PLXND1: variants seen among roughly 807,000 people sequenced by gnomAD.
PLXND1 encodes the protein plexin-D1.
A neutral mutation model predicts 197.7 loss-of-function variants in PLXND1; 54 were observed. The ratio of observed to expected loss-of-function variants is 0.27; its 90% CI spans 0.22 to 0.34. The LOEUF is 0.34. PLXND1 is among the 10% of genes least tolerant of loss of function. The pLI is 1.00. For synonymous variants in PLXND1, 1,180 were observed against 1,161.2 expected (o/e 1.02, Z -0.33); for missense variants, 2,127 against 2,699.2 (o/e 0.79, Z 4.70).
chr3:129,589,310 T>TGCCCCCCCCCCCCCCCCCCCCCCCCC, intron 2 of PLXND1, 41 bp downstream of exon 2: 26 of 501,272 alleles, frequency 5.2e-5, no homozygotes, highest in East Asian at 1.5e-4. Flanking sequence ...CAGGGGAGCC[T>TGCCCCCCCCCCCCCCCCCCCCCCCCC]CCCACCCCCA....
At chr3:129,583,701 T>TCC (rs1289997321) in intron 7 of PLXND1, 32 bp from the exon 8 acceptor site, 1 of 1,435,414 alleles carries the variant, frequency 7.0e-7, no homozygotes, top group Non-Finnish European at 9.7e-7. Flanking sequence ...CAACTCCTGG[T>TCC]TCCCCACCCC....
intron 23 of PLXND1, 117 bp downstream of exon 23, chr3:129,566,410 A>G: frequency 1.4e-6 from 1 of 712,952 alleles, no homozygotes. Context: ...ACAATGGCAG[A>G]TGCCTCCCAA....
rs143299189 is a variant in PLXND1, at chr3:129,571,941, C to T, written c.3078-97G>A. 4.5e-4 allele frequency: 559 copies of T among 1,243,488 alleles called. 3 individuals are homozygous for T. The East Asian group carries it at 0.014, about 30-fold the overall frequency. 77.0% of individuals were successfully genotyped at this position (1,243,488 alleles called of 1,614,324 possible). A position where few individuals can be genotyped will look rare whatever the true frequency, so the allele number is the denominator to read the frequency against. ...TGGGGCACAAGTCCACGCACTTGGC[C>T]TGGGGTTCAAGGCCTCCTTGACTGG... On this transcript the variant is annotated intron_variant, in intron 15 of 35. Transcript: ENST00000324093.
intron 1 of PLXND1, among the ~76,000 whole-genome samples, chr3:129,596,062 T>A (rs917438122): frequency 6.6e-6 from 1 of 152,052 alleles, no homozygotes; most frequent in African/African-American, 2.4e-5. Context: ...GGACTCCACA[T>A]CTGTAAAATA....
At chr3:129,598,424 T>C (rs966937923) in intron 1 of PLXND1, among the ~76,000 whole-genome samples, 2 of 152,058 alleles carry the variant, frequency 1.3e-5, no homozygotes, top group Non-Finnish European at 2.9e-5. Context: ...CCTCCTCCCA[T>C]ACTCACATAC....
In PLXND1 at chr3:129,589,545, C is replaced by T. The variant is rs375968253; in HGVS notation, c.1312-18G>A. 161 of 1,544,802 alleles carry T rather than the reference C, an allele frequency of 1.0e-4. No homozygotes were observed. In the African/African-American group the frequency reaches 1.5e-3, roughly 14 times the overall value. On this transcript the variant is annotated intron_variant, in intron 1 of 35. Coordinates refer to ENST00000324093, the MANE Select transcript of PLXND1 (RefSeq NM_015103.3). Reference sequence around the variant, plus strand: ...GGCTGGAGCTGGAAGAGGAACGGCACGTCAGATCCCAGCTCCAGAACCTTC... The same window carrying T: ...GGCTGGAGCTGGAAGAGGAACGGCATGTCAGATCCCAGCTCCAGAACCTTC...
chr3:129,558,762 C>T lies in PLXND1; in HGVS notation c.5298-187G>A. 1.7e-6 allele frequency: 1 copy of T among 590,042 alleles called. No individual in the cohort carries two copies. The highest frequency in any genetic ancestry group is 3.0e-6 in the Non-Finnish European group (1 of 334,620). 36.6% of individuals were successfully genotyped at this position (590,042 alleles called of 1,614,324 possible). A position where few individuals can be genotyped will look rare whatever the true frequency, so the allele number is the denominator to read the frequency against. Reference sequence around the variant, plus strand: ...AGCTGGGGTGCAGTGGGGCTGAGAGCCCGGTTTCCTGCTGGAGCAAGGCAG... The same window carrying T: ...AGCTGGGGTGCAGTGGGGCTGAGAGTCCGGTTTCCTGCTGGAGCAAGGCAG... On this transcript the variant is annotated intron_variant, in intron 32 of 35. Transcript: ENST00000324093. This position sits in a 1 kb window ranked among gnomAD's most constrained non-coding sequence, Gnocchi z 4.1.
In PLXND1 at chr3:129,561,809, G is replaced by C; in HGVS notation, c.4920C>G (p.Ala1640=). The C allele has an allele frequency of 1.9e-6, 3 of 1,612,144 alleles. No individual in the cohort carries two copies. Among genetic ancestry groups the C allele is most frequent in the Non-Finnish European group, 2.5e-6 (3 of 1,178,442 alleles). ...GGGGGCAGGGCTGCACCTTGTAATG[G>C]GCCAGCGTGTTAAGCTTCTTGCGGC... ...EDGRKKLNTL[A]HYKIPEGASL... is the part of the protein sequence containing the mutation. The change falls in exon 28 of 36, where the codon GCC becomes GCG. Residue 1640 remains alanine, a synonymous_variant. Coordinates refer to ENST00000324093, the MANE Select transcript of PLXND1 (RefSeq NM_015103.3).
intron 25 of PLXND1, among the ~76,000 whole-genome samples, chr3:129,564,769 A>T (rs574163944): frequency 3.6e-4 from 55 of 152,252 alleles, no homozygotes; most frequent in African/African-American, 1.3e-3. Context: ...CCTTCCACGA[A>T]CATCCCCTCC....
At position 129,558,514 on chromosome 3, in the gene PLXND1, T is replaced by G. The variant is rs1373817428; in HGVS notation, c.5359A>C (p.Lys1787Gln). The G allele has an allele frequency of 6.2e-7, 1 of 1,614,034 alleles. No individual in the cohort carries two copies. The highest frequency in any genetic ancestry group is 1.1e-5 in the South Asian group (1 of 91,088). The stretch of plus-strand genomic sequence containing the variant: ...AGGCAGGCGTCGATGTGGTCTGTCT[T>G]GTCGATGTCAAAGACAAACTGGGGG... ...KNPQFVFDID[K>Q]TDHIDACLSV... The change falls in exon 33 of 36, where the codon AAG (lysine) becomes CAG (glutamine). Residue 1787 changes from lysine (K) to glutamine (Q), a missense_variant. Physicochemically the swap from Lys to Gln is moderately conservative, Grantham distance 53 (BLOSUM62 1). Coordinates refer to ENST00000324093, the MANE Select transcript of PLXND1 (RefSeq NM_015103.3). This position sits in a 1 kb window ranked among gnomAD's most constrained non-coding sequence, Gnocchi z 4.1.
chr3:129,597,258 G>A (rs1010088807), intron 1 of PLXND1, among the ~76,000 whole-genome samples: 4 of 151,982 alleles, frequency 2.6e-5, no homozygotes, highest in Admixed American at 6.6e-5. Flanking sequence ...CCCACCCGCC[G>A]CTCTGCTGGG....
chr3:129,561,421 G>A (rs1420793044), intron 29 of PLXND1, among the ~76,000 whole-genome samples: 1 of 152,202 alleles, frequency 6.6e-6, no homozygotes, highest in Non-Finnish European at 1.5e-5. Context: ...GCCCTCCCGG[G>A]GCCTCTCTCC....
intron 8 of PLXND1, 68 bp downstream of exon 8, chr3:129,583,499 C>A: frequency 2.0e-6 from 2 of 1,009,338 alleles, no homozygotes; most frequent in South Asian, 1.4e-5. Flanking sequence ...GAAACATTCT[C>A]AACATGTGAA....
At chr3:129,602,162 T>A (rs2085717831) in intron 1 of PLXND1, among the ~76,000 whole-genome samples, 1 of 152,148 alleles carries the variant, frequency 6.6e-6, no homozygotes, top group African/African-American at 2.4e-5. Context: ...TCACGAGCAT[T>A]CCCCTTCTGC....
chr3:129,571,139 C>A lies in PLXND1; in HGVS notation c.3501G>T (p.Arg1167Ser). The A allele has an allele frequency of 6.2e-7, 1 of 1,614,254 alleles. No individual in the cohort carries two copies. Among genetic ancestry groups the A allele is most frequent in the Non-Finnish European group, 8.5e-7 (1 of 1,180,048 alleles). Residue 1167 changes from arginine (R) to serine (S), a missense_variant, in exon 18 of 36, where the codon AGG becomes AGT. Coordinates refer to ENST00000324093, the MANE Select transcript of PLXND1 (RefSeq NM_015103.3). ...GGTTGGGGAGGTAGTCCAGGCGGAACCTGCTGCCCCGCTGTGCCTCCTCGG... is the reference window on the plus strand; with the variant it reads ...GGTTGGGGAGGTAGTCCAGGCGGAAACTGCTGCCCCGCTGTGCCTCCTCGG... ...LDPEEAQRGS[R>S]FRLDYLPNPQ...
chr3:129,605,609 T>G lies in PLXND1; in HGVS notation c.1031A>C (p.Gln344Pro). ...LTESYIQLGL[Q>P]CAGGAGRGDL... ...GCCGCGGCCCGCGCCGCCCGCGCAC[T>G]GCAAGCCCAACTGGATGTAGGACTC... Residue 344 changes from glutamine (Q) to proline (P), a missense_variant, in exon 1 of 36, where the codon CAG becomes CCG. Gln to Pro is a moderately conservative substitution (Grantham distance 76). This residue lies in a region of PLXND1 where 1,095 missense variants were observed against 1,259.8 expected (regional missense o/e 0.87). Transcript: ENST00000324093. The G allele has an allele frequency of 1.3e-6, 2 of 1,535,934 alleles. No individual in the cohort carries two copies. The highest frequency in any genetic ancestry group is 1.7e-6 in the Non-Finnish European group (2 of 1,145,110).
Position 129,606,580 on chromosome 3 carries a change from G to C in PLXND1, c.60C>G (p.Pro20=). Reference sequence around the variant, plus strand: ...ACCGCGGCGGCGTCTGGAACGGCGGGGGGCTGGCGGCGGCGGCCCGGGCGC... The same window carrying C: ...ACCGCGGCGGCGTCTGGAACGGCGGCGGGCTGGCGGCGGCGGCCCGGGCGC... ...PLSARAAAAS[P]PPFQTPPRCP... Residue 20 remains proline, a synonymous_variant, in exon 1 of 36, where the codon CCC becomes CCG. Transcript: ENST00000324093. The C allele has an allele frequency of 1.6e-6, 2 of 1,227,786 alleles. No homozygotes were observed. Among genetic ancestry groups the C allele is most frequent in the Non-Finnish European group, 2.0e-6 (2 of 985,686 alleles). The allele number at this position is 1,227,786 out of a possible 1,614,324, so 76.1% of individuals were successfully genotyped here. A position where few individuals can be genotyped will look rare whatever the true frequency, so the allele number is the denominator to read the frequency against.
chr3:129,589,451 G>T lies in PLXND1; in HGVS notation c.1388C>A (p.Thr463Lys), dbSNP rs146817457. The T allele has an allele frequency of 1.9e-5, 31 of 1,611,220 alleles. No individual in the cohort carries two copies. The Admixed American group carries it at 2.0e-4, about 10-fold the overall frequency. ...GAGGCCCGGGGCGCGGAACACGGGC[G>T]TGGCCTTCAGGGGCTGCAGGATGGA... is the stretch of plus-strand genomic sequence containing the variant. ...PLSILQPLKA[T>K]PVFRAPGLTS... Residue 463 changes from threonine (T) to lysine (K), a missense_variant, in exon 2 of 36, where the codon ACG becomes AAG. Physicochemically the swap from Thr to Lys is moderately conservative, Grantham distance 78 (BLOSUM62 -1). This residue lies in a region of PLXND1 where 1,095 missense variants were observed against 1,259.8 expected (regional missense o/e 0.87). Coordinates refer to ENST00000324093, the MANE Select transcript of PLXND1 (RefSeq NM_015103.3).
intron 25 of PLXND1, among the ~76,000 whole-genome samples, chr3:129,564,645 C>T (rs576413543): frequency 7.9e-5 from 12 of 152,364 alleles, no homozygotes; most frequent in Middle Eastern, 3.4e-3. Flanking sequence ...CCTTGCTCTG[C>T]GAAGAGAGCT....
Sources: allele counts gnomAD v4.1 joint callset (sites outside exome capture counted in the v4.1 genomes callset), GRCh38; gene constraint gnomAD v4.1.1; regional missense constraint gnomAD v4.1.1; non-coding constraint Gnocchi (gnomAD v3.1); transcripts MANE v1.5; gene names NCBI Gene and HGNC (gene_info 2026-07-23, HGNC 2026-07-21).